RAB38: variants seen among roughly 807,000 people sequenced by gnomAD.
RAB38 encodes the protein ras-related protein Rab-38.
In RAB38, 15 loss-of-function variants were observed where a neutral mutation model predicts 18.4. The observed-to-expected ratio is 0.82, with a 90% CI of 0.55 to 1.26. The LOEUF (loss-of-function observed/expected upper bound fraction) is 1.26. Among genes scored for constraint, RAB38 ranks in the 50% most tolerant of loss-of-function variants. The pLI, the probability that RAB38 is intolerant of heterozygous loss-of-function variation, is 0.00. For missense variants in RAB38, 294 were observed against 267.4 expected, an observed-to-expected ratio of 1.10 and a Z score of -0.69; for synonymous variants, 101 against 104.4, an observed-to-expected ratio of 0.97 and a Z score of 0.20.
At chr11:87,807,791 TA>T in the RAB38 span, among the ~76,000 whole-genome samples, 1,888 of 152,294 alleles carry the variant, frequency 0.012, 32 homozygotes, top group African/African-American at 0.044. Context: ...CTGGTGCTGT[TA>T]TCTCTGAGGA....
the RAB38 span, among the ~76,000 whole-genome samples, chr11:88,063,341 G>A: frequency 3.3e-5 from 5 of 151,950 alleles, no homozygotes; most frequent in Admixed American, 6.6e-5. Context: ...TTACCCTTTA[G>A]GTTTCCAATT....
the RAB38 span, among the ~76,000 whole-genome samples, chr11:88,086,150 C>A: frequency 1.3e-5 from 2 of 151,804 alleles, no homozygotes; most frequent in Non-Finnish European, 2.9e-5. Flanking sequence ...TTCCAGAAAT[C>A]CCAAATCTTA....
chr11:88,040,426 T>G, the RAB38 span, among the ~76,000 whole-genome samples: 48 of 152,252 alleles, frequency 3.2e-4, 1 homozygote, highest in African/African-American at 1.2e-3. Flanking sequence ...TTAAACAGCT[T>G]ATTTTCAGGC....
chr11:88,030,858 A>C, the RAB38 span, among the ~76,000 whole-genome samples: 1 of 151,964 alleles, frequency 6.6e-6, no homozygotes, highest in African/African-American at 2.4e-5. Flanking sequence ...AAAAGAGGGA[A>C]TCCTCCCTAA....
chr11:88,037,087 T>A, the RAB38 span, among the ~76,000 whole-genome samples: 1 of 152,100 alleles, frequency 6.6e-6, no homozygotes, highest in Admixed American at 6.6e-5. Flanking sequence ...TCCTACATAA[T>A]CATCTAGTTT....
chr11:87,941,182 T>A, the RAB38 span, among the ~76,000 whole-genome samples: 1 of 129,894 alleles, frequency 7.7e-6, no homozygotes, highest in African/African-American at 2.8e-5. Context: ...GTATTTTATA[T>A]ATATAGGATA....
At chr11:87,837,472 T>C in the RAB38 span, among the ~76,000 whole-genome samples, 1 of 152,214 alleles carries the variant, frequency 6.6e-6, no homozygotes, top group East Asian at 1.9e-4. Context: ...TTTTCTAAGC[T>C]TCTAGACCTT....
chr11:87,973,475 G>GAA, the RAB38 span, among the ~76,000 whole-genome samples: 19 of 151,900 alleles, frequency 1.3e-4, no homozygotes, highest in African/African-American at 4.6e-4. Context: ...CAGAGAGAGA[G>GAA]CACATGTGCC....
At chr11:87,953,413 T>TC in the RAB38 span, among the ~76,000 whole-genome samples, 1 of 152,216 alleles carries the variant, frequency 6.6e-6, no homozygotes, top group Non-Finnish European at 1.5e-5. Context: ...AGTACAGTAG[T>TC]CCCCCCTTAC....
In RAB38 at chr11:88,126,459, C is replaced by A. The variant is rs548543111; in HGVS notation, c.484-12319G>T. On this transcript the variant is annotated intron_variant, in intron 2 of 2. Coordinates refer to ENST00000243662, the MANE Select transcript of RAB38 (RefSeq NM_022337.3). ...GCAAACTATCACAAGGACAAAAAAACCAAACACTGCATGTTCTCACTCATA... is the reference window on the plus strand; with the variant it reads ...GCAAACTATCACAAGGACAAAAAAAACAAACACTGCATGTTCTCACTCATA... 4.0e-3 allele frequency among the ~76,000 whole-genome samples: 606 copies of A among 152,170 alleles called. 3 individuals are homozygous for A. Among genetic ancestry groups the A allele is most frequent in the Non-Finnish European group, 5.4e-3 (365 of 68,016 alleles).
chr11:88,069,846 C>G, the RAB38 span, among the ~76,000 whole-genome samples: 140 of 134,232 alleles, frequency 1.0e-3, 4 homozygotes, highest in South Asian at 0.033. Context: ...TAGTGGGTTA[C>G]TTGGAGAACT....
the RAB38 span, among the ~76,000 whole-genome samples, chr11:87,876,091 A>T: frequency 1.3e-5 from 2 of 151,618 alleles, no homozygotes; most frequent in East Asian, 3.9e-4. Flanking sequence ...ACGTTTAATT[A>T]TTACTCTATA....
the RAB38 span, among the ~76,000 whole-genome samples, chr11:88,060,768 A>G: frequency 6.6e-6 from 1 of 152,230 alleles, no homozygotes; most frequent in Non-Finnish European, 1.5e-5. Context: ...TGTAACAGCC[A>G]AAATTTTCTC....
At chr11:88,154,177 A>G (rs1407928494) in intron 1 of RAB38, among the ~76,000 whole-genome samples, 1 of 152,194 alleles carries the variant, frequency 6.6e-6, no homozygotes, top group Non-Finnish European at 1.5e-5. Context: ...AGACATTGTG[A>G]GGAAAAGACG....
intron 2 of RAB38, among the ~76,000 whole-genome samples, chr11:88,126,265 G>C (rs1942693551): frequency 6.6e-6 from 1 of 152,080 alleles, no homozygotes; most frequent in African/African-American, 2.4e-5. Context: ...TATGTTTATT[G>C]CAGCATTGTT....
chr11:88,132,641 T>C lies in RAB38; in HGVS notation c.483+17034A>G, dbSNP rs916717122. 2.6e-5 allele frequency among the ~76,000 whole-genome samples: 4 copies of C among 151,968 alleles called. No homozygotes were observed. In the East Asian group the frequency reaches 7.7e-4, roughly 29 times the overall value. On this transcript the variant is annotated intron_variant, in intron 2 of 2. Coordinates refer to ENST00000243662, the MANE Select transcript of RAB38 (RefSeq NM_022337.3). Reference sequence around the variant, plus strand: ...CCCAGCTAATTTTTTGTATTTTTAGTAGAGATGGGGTTTCTCCATATTGGT... The same window carrying C: ...CCCAGCTAATTTTTTGTATTTTTAGCAGAGATGGGGTTTCTCCATATTGGT...
chr11:88,165,113 A>G (rs1406134268), intron 1 of RAB38, among the ~76,000 whole-genome samples: 2 of 152,148 alleles, frequency 1.3e-5, no homozygotes, highest in Admixed American at 1.3e-4. Context: ...AAATTAATAA[A>G]TTACTATTTT....
the RAB38 span, among the ~76,000 whole-genome samples, chr11:87,967,398 T>G: frequency 1.3e-5 from 2 of 152,200 alleles, no homozygotes; most frequent in African/African-American, 4.8e-5. Flanking sequence ...GGTCAATAGC[T>G]GTACTGCCCA....
the RAB38 span, among the ~76,000 whole-genome samples, chr11:88,054,276 C>T: frequency 6.6e-6 from 1 of 152,114 alleles, no homozygotes; most frequent in Admixed American, 6.5e-5. Context: ...AAGAACCAGG[C>T]TAGGATGAAC....
Sources: gnomAD v4.1 joint callset for allele counts (sites outside exome capture counted in the v4.1 genomes callset) on GRCh38, gnomAD v4.1.1 for gene constraint, MANE v1.5 for transcripts, NCBI Gene and HGNC (gene_info 2026-07-23, HGNC 2026-07-21) for gene names.